Variants in LRIF1 observed in about 807,000 individuals in gnomAD.
LRIF1 encodes ligand-dependent nuclear receptor-interacting factor 1.
Under a neutral mutation model 52.7 loss-of-function variants are expected in LRIF1, and 32 were observed. That is an observed-to-expected ratio of 0.61 (90% CI 0.46 to 0.82). The LOEUF is 0.82. Among genes scored for constraint, LRIF1 ranks in the 40% least tolerant of loss-of-function variants. The pLI is 0.00. For synonymous variants in LRIF1, 323 were observed against 317.4 expected (o/e 1.02, Z -0.19); for missense variants, 887 against 892.0 (o/e 0.99, Z 0.07).
At chr1:110,904,621 C>G in the LRIF1 span, among the ~76,000 whole-genome samples, 17 of 152,282 alleles carry the variant, frequency 1.1e-4, no homozygotes, top group Non-Finnish European at 2.2e-4. Flanking sequence ...GCTTAGATTA[C>G]AACACTCAAG....
At chr1:110,948,844 T>A (rs114330109) in intron 3 of LRIF1, among the ~76,000 whole-genome samples, 1 of 152,152 alleles carries the variant, frequency 6.6e-6, no homozygotes, top group African/African-American at 2.4e-5. Flanking sequence ...GTAGGCAAAG[T>A]TATAGACATT....
chr1:110,886,365 C>G, the LRIF1 span, among the ~76,000 whole-genome samples: 65,727 of 151,834 alleles, frequency 0.43, 15,751 homozygotes, highest in Admixed American at 0.56. Context: ...GCTTGGAGTT[C>G]ATTGAGCTAT....
intron 1 of LRIF1, among the ~76,000 whole-genome samples, chr1:110,959,942 G>A (rs1456655898): frequency 6.6e-6 from 1 of 151,580 alleles, no homozygotes; most frequent in Non-Finnish European, 1.5e-5. Context: ...TCAACTGCTA[G>A]GAAATCCTTT....
the LRIF1 span, among the ~76,000 whole-genome samples, chr1:110,916,221 T>A: frequency 1.3e-5 from 2 of 152,258 alleles, no homozygotes; most frequent in South Asian, 2.1e-4. Flanking sequence ...AATCTAAATA[T>A]ATTTTGACTT....
the LRIF1 span, among the ~76,000 whole-genome samples, chr1:110,923,576 T>C: frequency 6.6e-6 from 1 of 152,180 alleles, no homozygotes; most frequent in Admixed American, 6.5e-5. Flanking sequence ...AGAAAATCTT[T>C]ATACATTTGA....
chr1:110,914,516 G>A, the LRIF1 span, among the ~76,000 whole-genome samples: 1 of 152,154 alleles, frequency 6.6e-6, no homozygotes, highest in East Asian at 1.9e-4. Flanking sequence ...TAGATTGGGA[G>A]GCTAAGGTGG....
the LRIF1 span, among the ~76,000 whole-genome samples, chr1:110,919,523 C>A: frequency 2.0e-5 from 3 of 152,114 alleles, no homozygotes; most frequent in Non-Finnish European, 4.4e-5. Flanking sequence ...TTATTAAACT[C>A]CCCTTTATAT....
the LRIF1 span, among the ~76,000 whole-genome samples, chr1:110,895,309 A>G: frequency 6.6e-6 from 1 of 152,236 alleles, no homozygotes; most frequent in Admixed American, 6.5e-5. Context: ...GGATGTGAAG[A>G]AGACCCAAAC....
the LRIF1 span, chr1:110,940,401 T>TACTATTG: frequency 1.3e-5 from 2 of 152,142 alleles, no homozygotes; most frequent in African/African-American, 4.8e-5. Context: ...TTAGCACAAC[T>TACTATTG]ACTATTGAGA....
chr1:110,908,626 A>C, the LRIF1 span, among the ~76,000 whole-genome samples: 1 of 152,198 alleles, frequency 6.6e-6, no homozygotes, highest in Non-Finnish European at 1.5e-5. Context: ...GAATAGACCA[A>C]GCTAAGGAAA....
the LRIF1 span, chr1:110,896,853 A>C: frequency 1.2e-6 from 1 of 819,688 alleles, no homozygotes; most frequent in South Asian, 1.8e-5. Flanking sequence ...CTTGAATAAA[A>C]GAGAGGCCAG....
chr1:110,880,909 A>G, the LRIF1 span, among the ~76,000 whole-genome samples: 1 of 152,220 alleles, frequency 6.6e-6, no homozygotes, highest in African/African-American at 2.4e-5. Flanking sequence ...ACTTCCTGGA[A>G]AAGTGACACA....
Position 110,948,145 on chromosome 1 carries a change from C to T in LRIF1, c.2124G>A (p.Leu708=). Residue 708 remains leucine, a synonymous_variant, in exon 4 of 4, where the codon TTG becomes TTA. Transcript: ENST00000369763. Reference sequence around the variant, plus strand: ...TTTGTTCATAAGCTGCATTTGAATTCAAAGTGCCTTTCTCTTGCTTCTCAT... The same window carrying T: ...TTTGTTCATAAGCTGCATTTGAATTTAAAGTGCCTTTCTCTTGCTTCTCAT... The part of the protein sequence containing the change: ...YTHEKQEKGT[L]NSNAAYEQSH... The T allele has an allele frequency of 6.2e-7, 1 of 1,614,052 alleles. No individual in the cohort carries two copies. The highest frequency in any genetic ancestry group is 8.5e-7 in the Non-Finnish European group (1 of 1,180,002).
the LRIF1 span, among the ~76,000 whole-genome samples, chr1:110,922,160 G>C: frequency 1.3e-5 from 2 of 152,298 alleles, no homozygotes; most frequent in East Asian, 3.9e-4. Flanking sequence ...ATATGATCTT[G>C]TTCTTTTTTA....
the LRIF1 span, among the ~76,000 whole-genome samples, chr1:110,902,790 C>G: frequency 4.6e-5 from 7 of 152,192 alleles, no homozygotes. Flanking sequence ...TAACAACTGT[C>G]TAACACAAAA....
chr1:110,940,439 A>T, the LRIF1 span: 1 of 152,190 alleles, frequency 6.6e-6, no homozygotes, highest in Admixed American at 6.5e-5. Context: ...GAAAAAAATA[A>T]AAATAGAGCT....
chr1:110,946,444 CAT>C (rs546278871), downstream of LRIF1, among the ~76,000 whole-genome samples: 47 of 152,162 alleles, frequency 3.1e-4, no homozygotes, highest in African/African-American at 1.1e-3. Context: ...ACTCTGTAAA[CAT>C]ATTAAAAACC....
chr1:110,961,797 A>T (rs983135501), intron 1 of LRIF1, among the ~76,000 whole-genome samples: 7 of 152,146 alleles, frequency 4.6e-5, no homozygotes, highest in African/African-American at 1.7e-4. Context: ...TTATATTTGG[A>T]TGTTTTATTA....
the LRIF1 span, among the ~76,000 whole-genome samples, chr1:110,877,097 C>A: frequency 6.6e-6 from 1 of 152,142 alleles, no homozygotes; most frequent in African/African-American, 2.4e-5. Context: ...TTCTTTATAG[C>A]AAAAGGAAAT....
Sources: allele counts gnomAD v4.1 joint callset (sites outside exome capture counted in the v4.1 genomes callset), GRCh38; gene constraint gnomAD v4.1.1; transcripts MANE v1.5; gene names NCBI Gene and HGNC (gene_info 2026-07-23, HGNC 2026-07-21).